The following SLC35A1 variants were observed in gnomAD, a reference collection of about 807,000 sequenced individuals.
SLC35A1 encodes the protein CMP-sialic acid transporter.
Under a neutral mutation model 40.3 loss-of-function variants are expected in SLC35A1, and 21 were observed. That is an observed-to-expected ratio of 0.52 (90% CI 0.37 to 0.75). The LOEUF (loss-of-function observed/expected upper bound fraction) is 0.75. Among genes scored for constraint, SLC35A1 ranks in the 30% least tolerant of loss-of-function variants. The pLI, the probability that SLC35A1 is intolerant of heterozygous loss-of-function variation, is 0.00. For synonymous variants in SLC35A1, 146 were observed against 147.3 expected, an observed-to-expected ratio of 0.99 and a Z score of 0.06; for missense variants, 297 against 382.1, an observed-to-expected ratio of 0.78 and a Z score of 1.86.
chr6:87,508,001 T>C (rs1440097107), intron 5 of SLC35A1, among the ~76,000 whole-genome samples: 2 of 152,028 alleles, frequency 1.3e-5, no homozygotes, highest in Admixed American at 1.3e-4. Flanking sequence ...ATTGCAGAAT[T>C]AGGAGTATTC....
chr6:87,497,591 G>C (rs1769773028), intron 2 of SLC35A1, among the ~76,000 whole-genome samples: 1 of 152,180 alleles, frequency 6.6e-6, no homozygotes, highest in South Asian at 2.1e-4. Context: ...GCCTTTATTG[G>C]TGCAGGTATC....
At chr6:87,489,924 C>T (rs958089085) in intron 2 of SLC35A1, among the ~76,000 whole-genome samples, 2 of 151,188 alleles carry the variant, frequency 1.3e-5, no homozygotes, top group Admixed American at 6.6e-5. Context: ...TAAAAGAGAA[C>T]TCTATTAAAC....
At chr6:87,477,893 T>G (rs189285228) in intron 2 of SLC35A1, among the ~76,000 whole-genome samples, 2 of 152,328 alleles carry the variant, frequency 1.3e-5, no homozygotes, top group Admixed American at 1.3e-4. Flanking sequence ...CTCCCTGGTT[T>G]TGGTGTAATG....
At chr6:87,482,392 A>G (rs1769270126) in intron 2 of SLC35A1, among the ~76,000 whole-genome samples, 2 of 152,194 alleles carry the variant, frequency 1.3e-5, no homozygotes, top group Non-Finnish European at 2.9e-5. Flanking sequence ...ACCTTTGTGG[A>G]AAACCTTGTA....
intron 7 of SLC35A1, among the ~76,000 whole-genome samples, chr6:87,510,871 CAAA>C (rs201786030): frequency 1.6e-5 from 2 of 127,214 alleles, no homozygotes; most frequent in East Asian, 2.2e-4. Context: ...AACTCCGTCT[CAAA>C]AAAAAAAAAG....
intron 2 of SLC35A1, among the ~76,000 whole-genome samples, chr6:87,478,588 G>T (rs982495180): frequency 2.0e-5 from 3 of 152,170 alleles, no homozygotes; most frequent in African/African-American, 7.2e-5. Flanking sequence ...TTCAGCTTCA[G>T]CAGTGTGTGA....
chr6:87,502,846 T>C (rs1769962220), intron 4 of SLC35A1, among the ~76,000 whole-genome samples: 1 of 152,172 alleles, frequency 6.6e-6, no homozygotes, highest in Admixed American at 6.5e-5. Context: ...TGCCATGCAC[T>C]CCTCCACTAC....
Position 87,511,558 on chromosome 6 carries a change from T to A in SLC35A1, c.*32T>A. On this transcript the variant is annotated 3_prime_UTR_variant, in exon 8 of 8. Transcript: ENST00000369552. ...CCTCACGTGAGACTCCTTTTAAGAC[T>A]AAACCATTTGCATTAAACTAGAGCC... is the stretch of plus-strand genomic sequence containing the variant. The A allele has an allele frequency of 6.2e-7, 1 of 1,610,396 alleles. No homozygotes were observed. Among genetic ancestry groups the A allele is most frequent in the South Asian group, 1.1e-5 (1 of 90,972 alleles).
chr6:87,490,705 A>G (rs1203505141), intron 2 of SLC35A1, among the ~76,000 whole-genome samples: 3 of 152,238 alleles, frequency 2.0e-5, no homozygotes, highest in African/African-American at 7.2e-5. Context: ...TAGGCAAAAA[A>G]TATGAGGAAA....
At chr6:87,484,730 AGGTAATCAGAATGAGTCAGAGTGGAGAG>A (rs1769347858) in intron 2 of SLC35A1, among the ~76,000 whole-genome samples, 1 of 151,490 alleles carries the variant, frequency 6.6e-6, no homozygotes, top group African/African-American at 2.4e-5. Context: ...AGGGTGGAGT[AGGTAATCAGAATGAGTCAGAGTGGAGAG>A]GGTAATCGGA....
intron 2 of SLC35A1, among the ~76,000 whole-genome samples, chr6:87,490,664 G>A (rs1023367123): frequency 6.6e-6 from 1 of 152,158 alleles, no homozygotes; most frequent in Non-Finnish European, 1.5e-5. Flanking sequence ...GAAGGCAACG[G>A]TGCATATGTT....
chr6:87,485,345 G>T (rs903015114), intron 2 of SLC35A1, among the ~76,000 whole-genome samples: 4 of 152,146 alleles, frequency 2.6e-5, no homozygotes, highest in Non-Finnish European at 4.4e-5. Context: ...AATCAAGGAA[G>T]ACTTTATCAT....
At chr6:87,510,342 T>C (rs1364684121) in intron 7 of SLC35A1, among the ~76,000 whole-genome samples, 1 of 152,208 alleles carries the variant, frequency 6.6e-6, no homozygotes, top group African/African-American at 2.4e-5. Context: ...ATAAGAAATA[T>C]ATAGGAACAG....
intron 1 of SLC35A1, among the ~76,000 whole-genome samples, chr6:87,475,457 A>G (rs1042804954): frequency 1.3e-5 from 2 of 152,360 alleles, no homozygotes; most frequent in African/African-American, 2.4e-5. Flanking sequence ...GAAGTATTAT[A>G]GTGATCTCCT....
At chr6:87,484,389 A>G (rs1247092306) in intron 2 of SLC35A1, among the ~76,000 whole-genome samples, 1 of 152,206 alleles carries the variant, frequency 6.6e-6, no homozygotes, top group East Asian at 1.9e-4. Context: ...CCAGCAAGGC[A>G]GTTTCCTTCT....
At chr6:87,498,206 C>T (rs1207584747) in intron 2 of SLC35A1, among the ~76,000 whole-genome samples, 1 of 152,262 alleles carries the variant, frequency 6.6e-6, no homozygotes, top group Non-Finnish European at 1.5e-5. Flanking sequence ...AAACAGCCAC[C>T]TCTCAGCAGT....
At chr6:87,474,499 G>A (rs925936439) in intron 1 of SLC35A1, among the ~76,000 whole-genome samples, 2 of 152,232 alleles carry the variant, frequency 1.3e-5, no homozygotes, top group Non-Finnish European at 1.5e-5. Flanking sequence ...TGCCAGTTGA[G>A]TTGTGGGCTA....
chr6:87,481,692 A>G (rs576608176), intron 2 of SLC35A1, among the ~76,000 whole-genome samples: 4 of 152,350 alleles, frequency 2.6e-5, no homozygotes, highest in African/African-American at 9.6e-5. Context: ...ATGTCTGACC[A>G]TAAGGTAAGA....
intron 2 of SLC35A1, among the ~76,000 whole-genome samples, chr6:87,499,664 A>G (rs1252892258): frequency 6.6e-6 from 1 of 152,240 alleles, no homozygotes; most frequent in African/African-American, 2.4e-5. Context: ...ATACAGATAT[A>G]AAGTATGAGA....
Sources: gnomAD v4.1 joint callset for allele counts (sites outside exome capture counted in the v4.1 genomes callset) on GRCh38, gnomAD v4.1.1 for gene constraint, MANE v1.5 for transcripts, NCBI Gene and HGNC (gene_info 2026-07-23, HGNC 2026-07-21) for gene names.